The following NR1D2 variants were observed in gnomAD, a reference collection of about 807,000 sequenced individuals.
NR1D2 encodes nuclear receptor subfamily 1 group D member 2.
Under a neutral mutation model 52.2 loss-of-function variants are expected in NR1D2, and 25 were observed. The ratio of observed to expected loss-of-function variants is 0.48; its 90% CI spans 0.35 to 0.67. NR1D2 has a LOEUF of 0.67. Ranked by LOEUF, NR1D2 falls within the 30% of genes least tolerant of loss-of-function variation. NR1D2 has a pLI of 0.01. For synonymous variants in NR1D2, 259 were observed against 230.1 expected, an observed-to-expected ratio of 1.13 and a Z score of -1.14; for missense variants, 681 against 707.2, an observed-to-expected ratio of 0.96 and a Z score of 0.42.
intron 4 of NR1D2, among the ~76,000 whole-genome samples, chr3:23,961,399 T>TTC (rs1353879279): frequency 6.9e-6 from 1 of 144,500 alleles, no homozygotes; most frequent in African/African-American, 2.6e-5. Context: ...CTTTTTTTTT[T>TTC]TTTTTTTTTT....
chr3:23,950,887 TTTCTC>T (rs1265112081), intron 1 of NR1D2, among the ~76,000 whole-genome samples: 10 of 134,886 alleles, frequency 7.4e-5, no homozygotes, highest in African/African-American at 2.8e-4. Flanking sequence ...TTTCTTTTCT[TTTCTC>T]TTTCTTTTTC....
intron 3 of NR1D2, among the ~76,000 whole-genome samples, chr3:23,958,323 CAA>C (rs201354180): frequency 0.013 from 1,995 of 152,238 alleles, 54 homozygotes; most frequent in African/African-American, 0.046. Flanking sequence ...TTATAGCTAT[CAA>C]ACATATTTCT....
intron 7 of NR1D2, among the ~76,000 whole-genome samples, chr3:23,973,562 G>C (rs1706645853): frequency 6.6e-6 from 1 of 152,180 alleles, no homozygotes; most frequent in South Asian, 2.1e-4. Flanking sequence ...GTGGGTGAAT[G>C]AGTGAGTGCA....
Position 23,977,493 on chromosome 3 carries a change from A to G in NR1D2, c.*74A>G. On this transcript the variant is annotated 3_prime_UTR_variant, in exon 8 of 8. Transcript: ENST00000312521. ...CTAAAATGCATATTTATATGTGTATACCATATGTGGAGATAGAAAAGACCT... is the reference window on the plus strand; with the variant it reads ...CTAAAATGCATATTTATATGTGTATGCCATATGTGGAGATAGAAAAGACCT... The G allele has an allele frequency of 2.1e-6, 2 of 974,884 alleles. No individual in the cohort carries two copies. The highest frequency in any genetic ancestry group is 1.5e-6 in the Non-Finnish European group (1 of 669,740). 60.4% of individuals were successfully genotyped at this position (974,884 alleles called of 1,614,324 possible). A position where few individuals can be genotyped will look rare whatever the true frequency, so the allele number is the denominator to read the frequency against.
At position 23,978,326 on chromosome 3, in the gene NR1D2, A is replaced by G. The variant is rs2125301410; in HGVS notation, c.*907A>G. On this transcript the variant is annotated 3_prime_UTR_variant, in exon 8 of 8. Transcript: ENST00000312521. Reference sequence around the variant, plus strand: ...CAGGAAACTTAAAACAAGAGGTGTCAAAAGACCCAAATTAGGTGCATTTTA... The same window carrying G: ...CAGGAAACTTAAAACAAGAGGTGTCGAAAGACCCAAATTAGGTGCATTTTA... 6.6e-6 allele frequency: 1 copy of G among 152,328 alleles called. No individual in the cohort carries two copies. The highest frequency in any genetic ancestry group is 1.9e-4 in the East Asian group (1 of 5,192). 9.4% of individuals were successfully genotyped at this position (152,328 alleles called of 1,614,324 possible).
intron 3 of NR1D2, 101 bp from the exon 4 acceptor site, chr3:23,959,570 C>T (rs1706182530): frequency 5.7e-6 from 6 of 1,044,538 alleles, no homozygotes; most frequent in African/African-American, 1.6e-5. Context: ...TATACTGGGA[C>T]TGTAGTTCGT....
rs1459565498 is a variant in NR1D2 at position 23,978,015 on chromosome 3, T to A, written c.*596T>A. On this transcript the variant is annotated 3_prime_UTR_variant, in exon 8 of 8. Transcript: ENST00000312521. ...CTAAAAAATGTCTGTAAAGCATATT[T>A]ACCTCTTGGGAGATAGGCACTATGT... The A allele has an allele frequency of 6.6e-6, 1 of 152,228 alleles. No homozygotes were observed. The highest frequency in any genetic ancestry group is 1.5e-5 in the Non-Finnish European group (1 of 68,044). The allele number at this position is 152,228 out of a possible 1,614,324, so 9.4% of individuals were successfully genotyped here.
chr3:23,962,680 G>C, intron 5 of NR1D2, 75 bp downstream of exon 5: 1 of 1,393,228 alleles, frequency 7.2e-7, no homozygotes. Flanking sequence ...CGGGAGATAT[G>C]CTAACTTGGG....
intron 7 of NR1D2, among the ~76,000 whole-genome samples, chr3:23,975,682 C>G (rs759794868): frequency 7.2e-5 from 11 of 151,980 alleles, no homozygotes; most frequent in Non-Finnish European, 1.6e-4. Context: ...TGCTTGAACT[C>G]GGGAGGCAGA....
chr3:23,966,846 A>G (rs1291324005), intron 6 of NR1D2, among the ~76,000 whole-genome samples: 2 of 152,102 alleles, frequency 1.3e-5, no homozygotes, highest in Non-Finnish European at 2.9e-5. Context: ...CCTAGGCAAC[A>G]TGGTGAAACC....
At chr3:23,975,480 G>A (rs1706699801) in intron 7 of NR1D2, among the ~76,000 whole-genome samples, 1 of 152,078 alleles carries the variant, frequency 6.6e-6, no homozygotes, top group Admixed American at 6.6e-5. Flanking sequence ...TGTTAAATAT[G>A]AGATAAACTG....
rs1330085433 is a variant in NR1D2, at chr3:23,956,321, TTTTTC to T, written c.372+200_372+204del. 7.2e-5 allele frequency among the ~76,000 whole-genome samples: 11 copies of T among 152,354 alleles called. 1 individual carries two copies. In the South Asian group the frequency reaches 1.9e-3, roughly 26 times the overall value. On this transcript the variant is annotated intron_variant, in intron 3 of 7. Coordinates refer to ENST00000312521, the MANE Select transcript of NR1D2 (RefSeq NM_005126.5). ...TTCTTAATTCAGTGAAAGTATTTCT[TTTTTC>T]TTTAAGATTTTGAACAAAGTAAATT...
At chr3:23,976,639 G>A (rs1417968108) in intron 7 of NR1D2, among the ~76,000 whole-genome samples, 1 of 152,236 alleles carries the variant, frequency 6.6e-6, no homozygotes, top group Non-Finnish European at 1.5e-5. Context: ...AAGTGAGCAA[G>A]AGCGTACCTA....
rs1459130976 is a variant in NR1D2, at chr3:23,962,545, A to G, written c.1086A>G (p.Gly362=). ...TATGTGATAGAGTTCCGATAGATGG[A>G]TTTTCTCAGAATGAGAACAAGAATA... The part of the protein sequence containing the change: ...QRVCDRVPID[G]FSQNENKNSY... The change falls in exon 5 of 8, where the codon GGA becomes GGG. Residue 362 remains glycine (G), a synonymous_variant. Transcript: ENST00000312521. 2.5e-6 allele frequency: 4 copies of G among 1,613,600 alleles called. No homozygotes were observed. The South Asian group carries it at 4.4e-5, about 18-fold the overall frequency.
intron 7 of NR1D2, among the ~76,000 whole-genome samples, chr3:23,972,783 C>T (rs560508856): frequency 1.3e-5 from 2 of 152,276 alleles, no homozygotes; most frequent in Admixed American, 6.5e-5. Flanking sequence ...AACATGTGTA[C>T]TCTTAACATT....
intron 7 of NR1D2, among the ~76,000 whole-genome samples, chr3:23,972,896 A>G (rs747706662): frequency 6.6e-6 from 1 of 152,232 alleles, no homozygotes; most frequent in Non-Finnish European, 1.5e-5. Context: ...GGCTTTAGAA[A>G]AATTTAATAC....
At chr3:23,960,692 T>A (rs1706213345) in intron 4 of NR1D2, among the ~76,000 whole-genome samples, 1 of 152,062 alleles carries the variant, frequency 6.6e-6, no homozygotes. Context: ...TTCCCTGAAA[T>A]TTTTTTTATA....
chr3:23,950,674 A>AT (rs1313698444), intron 1 of NR1D2, among the ~76,000 whole-genome samples: 2 of 152,224 alleles, frequency 1.3e-5, no homozygotes, highest in East Asian at 3.9e-4. Context: ...GTCTTCTTTG[A>AT]TTTTCTGGTG....
chr3:23,952,536 C>T (rs915420507), intron 1 of NR1D2, among the ~76,000 whole-genome samples: 21 of 151,594 alleles, frequency 1.4e-4, no homozygotes, highest in Non-Finnish European at 2.8e-4. Context: ...ATGGTGAAAC[C>T]CTGTCTCTAC....
Sources: allele counts gnomAD v4.1 joint callset (sites outside exome capture counted in the v4.1 genomes callset), GRCh38; gene constraint gnomAD v4.1.1; transcripts MANE v1.5; gene names NCBI Gene and HGNC (gene_info 2026-07-23, HGNC 2026-07-21).